The following TMEM132D variants were observed in gnomAD, a reference collection of about 807,000 sequenced individuals.
TMEM132D encodes the protein transmembrane protein 132D, also known as mature OL transmembrane protein.
In TMEM132D, 21 loss-of-function variants were observed where a neutral mutation model predicts 62.3. The ratio of observed to expected loss-of-function variants is 0.34; its 90% CI spans 0.24 to 0.49. TMEM132D has a LOEUF of 0.49. TMEM132D is among the 20% of genes least tolerant of loss of function. The pLI, the probability that TMEM132D is intolerant of heterozygous loss-of-function variation, is 0.99. For missense variants in TMEM132D, 1,346 were observed against 1,402.8 expected, an observed-to-expected ratio of 0.96 and a Z score of 0.65; for synonymous variants, 621 against 575.6, an observed-to-expected ratio of 1.08 and a Z score of -1.13.
Position 129,422,117 on chromosome 12 carries a change from C to T in TMEM132D, c.1116-84300G>A, listed in dbSNP as rs1020052420. On this transcript the variant is annotated intron_variant, in intron 3 of 8. Transcript: ENST00000422113. The stretch of plus-strand genomic sequence containing the variant: ...TGTTAAAAAAAAAAAAAAAGCTTTT[C>T]TACTTTTCTTCTCATCTCCTACTGA... 1.6e-3 allele frequency among the ~76,000 whole-genome samples: 205 copies of T among 130,710 alleles called. 1 individual carries two copies. Among genetic ancestry groups the T allele is most frequent in the South Asian group, 9.9e-3 (40 of 4,048 alleles). 85.8% of individuals were successfully genotyped at this position (130,710 alleles called of 152,430 possible). A position where few individuals can be genotyped will look rare whatever the true frequency, so the allele number is the denominator to read the frequency against.
At chr12:129,465,608 C>CA (rs1215537400) in intron 3 of TMEM132D, among the ~76,000 whole-genome samples, 2 of 152,186 alleles carry the variant, frequency 1.3e-5, no homozygotes, top group African/African-American at 4.8e-5. Context: ...TCTCAGGATA[C>CA]AAAGTCAATG....
At chr12:129,530,979 T>C (rs1477367431) in intron 3 of TMEM132D, 80 bp downstream of exon 3, 40 of 1,356,428 alleles carry the variant, frequency 2.9e-5, no homozygotes, top group Non-Finnish European at 3.7e-5. Context: ...AAATGGTTGT[T>C]AGCAATCTAG....
intron 1 of TMEM132D, among the ~76,000 whole-genome samples, chr12:129,794,645 C>T (rs1871507654): frequency 6.6e-6 from 1 of 152,092 alleles, no homozygotes. Context: ...TTACGTTTTA[C>T]AGATTTTAGC....
At chr12:129,152,409 G>C (rs990051019) in intron 5 of TMEM132D, among the ~76,000 whole-genome samples, 5 of 152,144 alleles carry the variant, frequency 3.3e-5, no homozygotes, top group African/African-American at 1.2e-4. Context: ...GGGAAGACAG[G>C]AGCAGCTGGC....
At position 129,262,081 on chromosome 12, in the gene TMEM132D, G is replaced by A. The variant is rs1011216033; in HGVS notation, c.1300-52418C>T. Among the ~76,000 whole-genome samples the A allele has an allele frequency of 2.6e-5, 4 of 152,212 alleles. No individual in the cohort carries two copies. In the East Asian group the frequency reaches 5.8e-4, roughly 22 times the overall value. On this transcript the variant is annotated intron_variant, in intron 4 of 8. Transcript: ENST00000422113. ...GTCTTTTTTCTGGAAACCCCTGGCT[G>A]AAAATTTGCATCCAGAGCCTGCCCT... is the stretch of plus-strand genomic sequence containing the variant.
intron 1 of TMEM132D, among the ~76,000 whole-genome samples, chr12:129,790,017 G>A (rs1871356682): frequency 6.6e-6 from 1 of 152,324 alleles, no homozygotes; most frequent in Non-Finnish European, 1.5e-5. Flanking sequence ...ACTGGAGTGC[G>A]CAGGTGCTAG....
chr12:129,879,183 GT>G (rs1454033968), intron 1 of TMEM132D, among the ~76,000 whole-genome samples: 1 of 152,208 alleles, frequency 6.6e-6, no homozygotes, highest in Non-Finnish European at 1.5e-5. Flanking sequence ...AGACATAAGA[GT>G]TTGTGTTCCT....
intron 3 of TMEM132D, among the ~76,000 whole-genome samples, chr12:129,469,657 T>C (rs1456920416): frequency 6.6e-6 from 1 of 152,188 alleles, no homozygotes; most frequent in Non-Finnish European, 1.5e-5. Flanking sequence ...AACCAGTAAC[T>C]GGTCATTGCT....
intron 1 of TMEM132D, among the ~76,000 whole-genome samples, chr12:129,761,804 C>T (rs765781552): frequency 6.6e-6 from 1 of 152,160 alleles, no homozygotes; most frequent in Non-Finnish European, 1.5e-5. Flanking sequence ...TAGGAAGCTG[C>T]CTCCACAAAT....
At chr12:129,290,065 A>G (rs1173165498) in intron 4 of TMEM132D, among the ~76,000 whole-genome samples, 1 of 152,216 alleles carries the variant, frequency 6.6e-6, no homozygotes, top group African/African-American at 2.4e-5. Context: ...TGATCCTTGT[A>G]CTGTGGTTGT....
At chr12:129,866,471 A>C (rs1288571176) in intron 1 of TMEM132D, among the ~76,000 whole-genome samples, 1 of 151,674 alleles carries the variant, frequency 6.6e-6, no homozygotes, top group Non-Finnish European at 1.5e-5. Flanking sequence ...GAGGGATAGC[A>C]TTAGGAGATA....
chr12:129,653,588 C>A (rs1394772043), intron 2 of TMEM132D, among the ~76,000 whole-genome samples: 1 of 152,164 alleles, frequency 6.6e-6, no homozygotes, highest in African/African-American at 2.4e-5. Flanking sequence ...ATATGAACAG[C>A]CTATCTCCAC....
intron 2 of TMEM132D, among the ~76,000 whole-genome samples, chr12:129,631,260 G>A (rs1879338877): frequency 6.6e-6 from 1 of 152,168 alleles, no homozygotes; most frequent in Admixed American, 6.5e-5. Context: ...ACGCTCAGGT[G>A]TTAATGGATA....
Position 129,337,703 on chromosome 12 carries a change from C to G in TMEM132D, c.1230G>C (p.Thr410=), listed in dbSNP as rs759081670. The G allele has an allele frequency of 6.2e-7, 1 of 1,614,218 alleles. No homozygotes were observed. Among genetic ancestry groups the G allele is most frequent in the Non-Finnish European group, 8.5e-7 (1 of 1,180,040 alleles). Residue 410 remains threonine, a synonymous_variant, in exon 4 of 9, where the codon ACG becomes ACC. Transcript: ENST00000422113. ...TWQVEYPGEI[T]SDLGVSKIYV... Reference sequence around the variant, plus strand: ...AGATCTTGGACACTCCCAAGTCAGACGTGATCTCTCCGGGGTACTCGACCT... The same window carrying G: ...AGATCTTGGACACTCCCAAGTCAGAGGTGATCTCTCCGGGGTACTCGACCT...
rs149957127 is a variant in TMEM132D, at chr12:129,652,252, G to T, written c.968+47558C>A. Among the ~76,000 whole-genome samples, 15 of 152,284 alleles carry T rather than the reference G, an allele frequency of 9.9e-5. No homozygotes were observed. In the East Asian group the frequency reaches 2.9e-3, roughly 29 times the overall value. ...TATATTTTCTGATAAAGTTCAGCTG[G>T]CAACCGTGGGGCTGGTTACTAAGAA... On this transcript the variant is annotated intron_variant, in intron 2 of 8. Transcript: ENST00000422113.
intron 1 of TMEM132D, chr12:129,853,078 G>GTTT (rs1419201613): frequency 3.3e-5 from 5 of 152,196 alleles, no homozygotes; most frequent in African/African-American, 1.2e-4. Context: ...CAGGTCTGAA[G>GTTT]AAAGATCTGA....
intron 2 of TMEM132D, among the ~76,000 whole-genome samples, chr12:129,562,118 A>C (rs1877252056): frequency 6.6e-6 from 1 of 152,230 alleles, no homozygotes; most frequent in Admixed American, 6.5e-5. Flanking sequence ...TTAATTCATA[A>C]AATTCATGAA....
intron 4 of TMEM132D, among the ~76,000 whole-genome samples, chr12:129,262,083 A>C (rs1235194320): frequency 1.3e-5 from 2 of 152,052 alleles, no homozygotes; most frequent in Admixed American, 1.3e-4. Flanking sequence ...CCCTGGCTGA[A>C]AATTTGCATC....
intron 5 of TMEM132D, among the ~76,000 whole-genome samples, chr12:129,143,250 A>AGT (rs1876794637): frequency 1.3e-5 from 2 of 152,148 alleles, no homozygotes; most frequent in Admixed American, 1.3e-4. Flanking sequence ...GTGGCTCACA[A>AGT]AACTCAGGGA....
Sources: gnomAD v4.1 joint callset for allele counts (sites outside exome capture counted in the v4.1 genomes callset) on GRCh38, gnomAD v4.1.1 for gene constraint, MANE v1.5 for transcripts, NCBI Gene and HGNC (gene_info 2026-07-23, HGNC 2026-07-21) for gene names.